The following TSHZ3 variants were observed in gnomAD, a reference collection of about 807,000 sequenced individuals.
TSHZ3 encodes the protein teashirt homolog 3.
In TSHZ3, 10 loss-of-function variants were observed where a neutral mutation model predicts 64.5. That is an observed-to-expected ratio of 0.16 (90% CI 0.10 to 0.26). The LOEUF (loss-of-function observed/expected upper bound fraction) is 0.26. Ranked by LOEUF, TSHZ3 falls within the 10% of genes least tolerant of loss-of-function variation. The pLI is 1.00. For synonymous variants in TSHZ3, 608 were observed against 593.1 expected (o/e 1.03, Z -0.36); for missense variants, 1,242 against 1,421.7 (o/e 0.87, Z 2.03).
intron 1 of TSHZ3, among the ~76,000 whole-genome samples, chr19:31,338,234 C>T (rs534708654): frequency 6.6e-6 from 1 of 152,322 alleles, no homozygotes; most frequent in East Asian, 1.9e-4. Flanking sequence ...AGGCTGCGTC[C>T]CTGAGTACTT....
chr19:31,225,728 T>A (rs1315043534), intron 4 of TSHZ3, among the ~76,000 whole-genome samples: 1 of 152,182 alleles, frequency 6.6e-6, no homozygotes, highest in Non-Finnish European at 1.5e-5. Context: ...ATTCCTTTGC[T>A]TACAGTTTCC....
chr19:31,327,919 C>T (rs561229052), intron 1 of TSHZ3, among the ~76,000 whole-genome samples: 1 of 152,328 alleles, frequency 6.6e-6, no homozygotes, highest in African/African-American at 2.4e-5. Context: ...GACATTGTCT[C>T]TAGTTGCATC....
chr19:31,219,422 A>C (rs1975372110), intron 4 of TSHZ3, among the ~76,000 whole-genome samples: 1 of 152,136 alleles, frequency 6.6e-6, no homozygotes, highest in Non-Finnish European at 1.5e-5. Flanking sequence ...AGTTTGCTTC[A>C]AGCAAACTTG....
intron 1 of TSHZ3, among the ~76,000 whole-genome samples, chr19:31,282,071 G>A (rs1176809001): frequency 6.6e-6 from 1 of 152,184 alleles, no homozygotes; most frequent in East Asian, 1.9e-4. Flanking sequence ...GGGAACAGCT[G>A]GAGCAGAGTA....
At chr19:31,251,594 GC>G (rs1599605201) in intron 1 of TSHZ3, among the ~76,000 whole-genome samples, 1 of 152,278 alleles carries the variant, frequency 6.6e-6, no homozygotes, top group East Asian at 1.9e-4. Context: ...AGGTGTTCTA[GC>G]CCCACCCTCT....
chr19:31,184,220 T>A (rs904653659), intron 5 of TSHZ3, among the ~76,000 whole-genome samples: 3 of 152,230 alleles, frequency 2.0e-5, no homozygotes, highest in African/African-American at 4.8e-5. Flanking sequence ...TTTTTTAAGA[T>A]AATTGTAGGA....
At chr19:31,287,144 G>C (rs1976477986) in intron 1 of TSHZ3, among the ~76,000 whole-genome samples, 1 of 152,132 alleles carries the variant, frequency 6.6e-6, no homozygotes, top group Non-Finnish European at 1.5e-5. Flanking sequence ...GGATGGGCAA[G>C]TCGTGGGTGG....
chr19:31,325,208 C>T (rs1027955385), intron 1 of TSHZ3, among the ~76,000 whole-genome samples: 2 of 152,172 alleles, frequency 1.3e-5, no homozygotes, highest in Admixed American at 6.5e-5. Context: ...TTCCGCAGTC[C>T]GGCCACAGAG....
rs199990421 is a variant in TSHZ3 at position 31,339,826 on chromosome 19, T to C, written c.40+9354A>G. 1.3e-4 allele frequency among the ~76,000 whole-genome samples: 20 copies of C among 151,480 alleles called. No homozygotes were observed. In the East Asian group the frequency reaches 3.9e-3, roughly 30 times the overall value. On this transcript the variant is annotated intron_variant, in intron 1 of 1. Coordinates refer to ENST00000240587, the MANE Select transcript of TSHZ3 (RefSeq NM_020856.4). The stretch of plus-strand genomic sequence containing the variant: ...AAAAAAGGGGGGGGCGTTCTGCTGC[T>C]GATACCTGCAAAAGGCCACGCACGT...
At chr19:31,350,066 G>C (rs1171036971), upstream of TSHZ3, among the ~76,000 whole-genome samples, 1 of 93,434 alleles carries the variant, frequency 1.1e-5, no homozygotes, top group East Asian at 3.2e-4. Flanking sequence ...CCCACCCAGC[G>C]TTCGTCCCCA....
At chr19:31,212,732 C>A (rs1032271826) in intron 4 of TSHZ3, among the ~76,000 whole-genome samples, 1 of 152,118 alleles carries the variant, frequency 6.6e-6, no homozygotes, top group African/African-American at 2.4e-5. Flanking sequence ...AGCATACCAT[C>A]CTGCAATCCC....
chr19:31,296,131 T>TTG (rs369289175), intron 1 of TSHZ3, among the ~76,000 whole-genome samples: 2 of 151,258 alleles, frequency 1.3e-5, no homozygotes, highest in East Asian at 2.0e-4. Flanking sequence ...CTGAGCAAGT[T>TTG]TGTGTGTGTG....
At chr19:31,304,909 A>G (rs992073464) in intron 1 of TSHZ3, among the ~76,000 whole-genome samples, 4 of 152,262 alleles carry the variant, frequency 2.6e-5, no homozygotes, top group Non-Finnish European at 5.9e-5. Flanking sequence ...ATTCACTCAC[A>G]GCAACTGTAA....
At chr19:31,193,251 T>A (rs1568343238) in intron 5 of TSHZ3, among the ~76,000 whole-genome samples, 1 of 152,196 alleles carries the variant, frequency 6.6e-6, no homozygotes, top group Non-Finnish European at 1.5e-5. Context: ...AGTCTGAAAT[T>A]TTCTTTCACT....
intron 4 of TSHZ3, among the ~76,000 whole-genome samples, chr19:31,210,459 A>T (rs1012132611): frequency 2.6e-5 from 4 of 152,148 alleles, no homozygotes; most frequent in Admixed American, 2.0e-4. Flanking sequence ...AGCAGGAGGT[A>T]TATCTAGAAA....
chr19:31,278,394 T>A lies in TSHZ3; in HGVS notation c.1399A>T (p.Asn467Tyr). 1 of 1,614,056 alleles carries A rather than the reference T, an allele frequency of 6.2e-7. No individual in the cohort carries two copies. The highest frequency in any genetic ancestry group is 8.5e-7 in the Non-Finnish European group (1 of 1,180,012). ...NTPASISPKL[N>Y]VEVKKEVDKE... ...TCGACTTCCTTCTTGACCTCCACAT[T>A]CAGTTTTGGGGAGATGCTGGCAGGT... Residue 467 changes from asparagine (N) to tyrosine (Y), a missense_variant, in exon 2 of 2, where the codon AAT becomes TAT. Physicochemically the swap from Asn to Tyr is moderately radical, Grantham distance 143. Around this residue, in one of 4 missense-constraint regions of TSHZ3, gnomAD observed 555 missense variants for 704.0 expected, o/e 0.79. Coordinates refer to ENST00000240587, the MANE Select transcript of TSHZ3 (RefSeq NM_020856.4). The surrounding 1 kb of genome is among the most constrained non-coding windows in gnomAD (Gnocchi z 4.7).
At chr19:31,330,306 A>C (rs1039678247) in intron 1 of TSHZ3, among the ~76,000 whole-genome samples, 1 of 152,138 alleles carries the variant, frequency 6.6e-6, no homozygotes, top group Admixed American at 6.5e-5. Context: ...CCTTCTGGAA[A>C]CATCTAACGC....
chr19:31,150,442 G>A (rs1388049861), exon 7 of TSHZ3, among the ~76,000 whole-genome samples: 3 of 152,230 alleles, frequency 2.0e-5, no homozygotes, highest in Admixed American at 1.3e-4. Context: ...AAGACAGCCA[G>A]GGTACCATAT....
At chr19:31,204,405 T>A (rs1410209287) in intron 5 of TSHZ3, among the ~76,000 whole-genome samples, 2 of 150,580 alleles carry the variant, frequency 1.3e-5, no homozygotes, top group Non-Finnish European at 3.0e-5. Flanking sequence ...GGTACCTCCA[T>A]TCCTCCTTCC....
Sources: gnomAD v4.1 joint callset for allele counts (sites outside exome capture counted in the v4.1 genomes callset) on GRCh38, gnomAD v4.1.1 for gene constraint, gnomAD v4.1.1 regional missense constraint, Gnocchi (gnomAD v3.1) non-coding constraint, MANE v1.5 for transcripts, NCBI Gene and HGNC (gene_info 2026-07-23, HGNC 2026-07-21) for gene names.